The following BCAR3 variants were observed in gnomAD, a reference collection of about 807,000 sequenced individuals.
BCAR3 encodes the protein breast cancer anti-estrogen resistance protein 3.
A neutral mutation model predicts 80.1 loss-of-function variants in BCAR3; 37 were observed. The ratio of observed to expected loss-of-function variants is 0.46; its 90% CI spans 0.36 to 0.61. BCAR3 has a LOEUF of 0.61. Among genes scored for constraint, BCAR3 ranks in the 20% least tolerant of loss-of-function variants. The pLI is 0.00. For synonymous variants in BCAR3, 389 were observed against 418.9 expected (o/e 0.93, Z 0.87); for missense variants, 978 against 1,068.2 (o/e 0.92, Z 1.18).
intron 1 of BCAR3, chr1:93,846,942 T>A: frequency 2.3e-6 from 1 of 437,860 alleles, no homozygotes; most frequent in Non-Finnish European, 4.7e-6. Context: ...CCCGCGCAAA[T>A]AAACACGCAC....
chr1:93,811,410 C>T lies in BCAR3; in HGVS notation c.-63+34157G>A, dbSNP rs538899707. 9.2e-4 allele frequency among the ~76,000 whole-genome samples: 140 copies of T among 152,264 alleles called. 3 individuals are homozygous for T. The highest frequency in any genetic ancestry group is 3.2e-3 in the African/African-American group (135 of 41,552). ...AGCTGTGTATACTATTAGTATTGTC[C>T]TTGCTTTCAAAGACAGAGGGTGAGG... is the stretch of plus-strand genomic sequence containing the variant. On this transcript the variant is annotated intron_variant, in intron 2 of 13. Coordinates refer to the BCAR3 transcript ENST00000370244.
intron 4 of BCAR3, among the ~76,000 whole-genome samples, chr1:93,589,768 G>C (rs1482736038): frequency 6.6e-6 from 1 of 152,172 alleles, no homozygotes; most frequent in South Asian, 2.1e-4. Context: ...TAAGGTCAGG[G>C]AAGAAGTAAA....
intron 1 of BCAR3, chr1:93,846,883 C>T (rs777843882): frequency 6.4e-5 from 31 of 480,860 alleles, no homozygotes; most frequent in Admixed American, 5.9e-4. Context: ...AGAAATTCGG[C>T]TCTGGGTCTG....
chr1:93,797,510 G>A (rs921227486), intron 2 of BCAR3, among the ~76,000 whole-genome samples: 1 of 152,018 alleles, frequency 6.6e-6, no homozygotes, highest in African/African-American at 2.4e-5. Context: ...CATATAAACT[G>A]CCATTTACTT....
chr1:93,591,303 C>T (rs1674173038), intron 4 of BCAR3, among the ~76,000 whole-genome samples: 2 of 151,714 alleles, frequency 1.3e-5, no homozygotes, highest in South Asian at 2.1e-4. Flanking sequence ...GGTGAAACCC[C>T]GTCTCTACTA....
At chr1:93,789,988 C>T (rs534450057) in intron 2 of BCAR3, among the ~76,000 whole-genome samples, 1 of 152,130 alleles carries the variant, frequency 6.6e-6, no homozygotes, top group Non-Finnish European at 1.5e-5. Context: ...AATGGGAAGC[C>T]CTTCCCCATT....
At chr1:93,781,870 G>A (rs1285585155) in intron 2 of BCAR3, among the ~76,000 whole-genome samples, 1 of 152,170 alleles carries the variant, frequency 6.6e-6, no homozygotes, top group Non-Finnish European at 1.5e-5. Context: ...TAGGCACCTG[G>A]AATCATATCT....
chr1:93,795,327 C>A (rs1403679000), intron 2 of BCAR3, among the ~76,000 whole-genome samples: 2 of 61,832 alleles, frequency 3.2e-5, no homozygotes, highest in Non-Finnish European at 5.5e-5. Flanking sequence ...TCACATAGTC[C>A]CATATTTCTT....
At chr1:93,682,844 C>T (rs565308745), upstream of BCAR3, among the ~76,000 whole-genome samples, 9 of 152,252 alleles carry the variant, frequency 5.9e-5, 1 homozygote, top group South Asian at 1.7e-3. Flanking sequence ...TGAGCCACCG[C>T]GCCCGGCCTC....
chr1:93,609,814 G>C (rs1214796685), intron 3 of BCAR3, among the ~76,000 whole-genome samples: 1 of 152,146 alleles, frequency 6.6e-6, no homozygotes, highest in Non-Finnish European at 1.5e-5. Context: ...CTCTCTCCAC[G>C]AAGAAGGCCA....
intron 2 of BCAR3, among the ~76,000 whole-genome samples, chr1:93,661,708 C>G (rs778891592): frequency 6.6e-6 from 1 of 151,270 alleles, no homozygotes; most frequent in Non-Finnish European, 1.5e-5. Context: ...AGGCTGGTCT[C>G]GAACTCCTGA....
chr1:93,587,996 A>T (rs1035493146), intron 5 of BCAR3, among the ~76,000 whole-genome samples: 2 of 152,088 alleles, frequency 1.3e-5, no homozygotes, highest in Non-Finnish European at 2.9e-5. Context: ...AAGTGCCCTG[A>T]ATCTTTCTCT....
At chr1:93,750,570 C>T (rs1250332282) in intron 2 of BCAR3, among the ~76,000 whole-genome samples, 1 of 152,208 alleles carries the variant, frequency 6.6e-6, no homozygotes, top group Non-Finnish European at 1.5e-5. Context: ...CAACAGAATG[C>T]CACAACTTTC....
At chr1:93,820,823 T>C (rs551569712) in intron 2 of BCAR3, among the ~76,000 whole-genome samples, 330 of 152,242 alleles carry the variant, frequency 2.2e-3, no homozygotes, top group Non-Finnish European at 3.8e-3. Context: ...ATCGTAAGCT[T>C]GATTCCTCTG....
chr1:93,696,002 C>T (rs1354360595), intron 3 of BCAR3, among the ~76,000 whole-genome samples: 1 of 151,978 alleles, frequency 6.6e-6, no homozygotes, highest in Non-Finnish European at 1.5e-5. Flanking sequence ...GGTTATCACA[C>T]ATACTTCCAC....
intron 2 of BCAR3, among the ~76,000 whole-genome samples, chr1:93,751,536 A>C (rs1227941441): frequency 6.6e-6 from 1 of 152,174 alleles, no homozygotes; most frequent in Non-Finnish European, 1.5e-5. Flanking sequence ...TCGGGCTCAA[A>C]CAGCCATGTA....
At chr1:93,699,579 G>A (rs942286648) in intron 3 of BCAR3, among the ~76,000 whole-genome samples, 1 of 151,960 alleles carries the variant, frequency 6.6e-6, no homozygotes, top group African/African-American at 2.4e-5. Context: ...TCCTCCTCCC[G>A]GCCCCATGTC....
chr1:93,815,413 T>C (rs1412309346), intron 2 of BCAR3, among the ~76,000 whole-genome samples: 1 of 152,218 alleles, frequency 6.6e-6, no homozygotes, highest in East Asian at 1.9e-4. Flanking sequence ...GAATTTACTC[T>C]TCAGAACAGA....
intron 5 of BCAR3, among the ~76,000 whole-genome samples, chr1:93,585,454 CT>C (rs1673902642): frequency 7.1e-6 from 1 of 139,944 alleles, no homozygotes; most frequent in Admixed American, 7.0e-5. Flanking sequence ...GAGACTTAGT[CT>C]TTTTTTCATT....
Sources: gnomAD v4.1 joint callset for allele counts (sites outside exome capture counted in the v4.1 genomes callset) on GRCh38, gnomAD v4.1.1 for gene constraint, MANE v1.5 for transcripts, NCBI Gene and HGNC (gene_info 2026-07-23, HGNC 2026-07-21) for gene names.